Variants in ABITRAM observed in about 807,000 individuals in gnomAD.
ABITRAM encodes actin binding transcription modulator, also known as protein Abitram.
Under a neutral mutation model 22.9 loss-of-function variants are expected in ABITRAM, and 19 were observed. The observed-to-expected ratio is 0.83, with a 90% confidence interval of 0.58 to 1.22. The LOEUF is 1.22. ABITRAM is among the 50% of genes most tolerant of loss of function. The pLI is 0.00. For missense variants in ABITRAM, 215 were observed against 220.2 expected (o/e 0.98, Z 0.15); for synonymous variants, 70 against 73.9 (o/e 0.95, Z 0.27).
In ABITRAM at chr9:108,936,312, T is replaced by C. The variant is rs372660944; in HGVS notation, c.136T>C (p.Cys46Arg). 2 of 1,612,968 alleles carry C rather than the reference T, an allele frequency of 1.2e-6. No individual in the cohort carries two copies. The highest frequency in any genetic ancestry group is 2.7e-5 in the African/African-American group (2 of 74,876). Residue 46 changes from cysteine (C) to arginine (R), a missense_variant, in exon 3 of 6, where the codon TGT becomes CGT. Transcript: ENST00000322940. ...HCILQHSNRI[C>R]VITLAESHPV... ...ATCAACTTTTTCTCCTTGTAGAATA[T>C]GTGTCATCACATTGGCAGAATCTCA...
At position 108,934,434 on chromosome 9, in the gene ABITRAM, C is replaced by G; in HGVS notation, c.-53C>G. The G allele has an allele frequency of 6.7e-7, 1 of 1,501,820 alleles. No individual in the cohort carries two copies. The highest frequency in any genetic ancestry group is 9.0e-7 in the Non-Finnish European group (1 of 1,112,714). The allele number at this position is 1,501,820 out of a possible 1,614,324, so 93.0% of individuals were successfully genotyped here. A position where few individuals can be genotyped will look rare whatever the true frequency, so the allele number is the denominator to read the frequency against. On this transcript the variant is annotated 5_prime_UTR_variant, in exon 1 of 6. Transcript: ENST00000322940. Reference sequence around the variant, plus strand: ...AAGAGCACGCCCAGTCCGGGCTGCGCGGAGGAAGCGCTGGGGTCCCGGAGG... The same window carrying G: ...AAGAGCACGCCCAGTCCGGGCTGCGGGGAGGAAGCGCTGGGGTCCCGGAGG...
At chr9:108,936,536 A>G in intron 3 of ABITRAM, 99 bp downstream of exon 3, 1 of 1,328,104 alleles carries the variant, frequency 7.5e-7, no homozygotes, top group Non-Finnish European at 1.0e-6. Flanking sequence ...TATGCTTAGC[A>G]TACTTCTCTA....
chr9:108,934,656 C>T (rs1830142869), intron 1 of ABITRAM, 91 bp downstream of exon 1: 1 of 1,228,894 alleles, frequency 8.1e-7, no homozygotes, highest in Non-Finnish European at 1.1e-6. Flanking sequence ...CGCGCGCTCT[C>T]CCTGGCTCTC....
At chr9:108,941,618 A>C (rs1432462949), downstream of ABITRAM, among the ~76,000 whole-genome samples, 1 of 152,222 alleles carries the variant, frequency 6.6e-6, no homozygotes, top group East Asian at 1.9e-4. Flanking sequence ...AGCTGTGGTC[A>C]ATTGGCATTA....
chr9:108,938,529 A>G (rs1187207846), intron 3 of ABITRAM, among the ~76,000 whole-genome samples: 4 of 152,304 alleles, frequency 2.6e-5, no homozygotes, highest in Non-Finnish European at 4.4e-5. Flanking sequence ...ATGACATTCA[A>G]ATACATACAC....
At position 108,939,232 on chromosome 9, in the gene ABITRAM, A is replaced by C; in HGVS notation, c.298A>C (p.Lys100Gln). ...TCTAACAGAGCTTGCACCTCTCTGTAAGATTTACTGCTCAGATGGTGAAGA... is the reference window on the plus strand; with the variant it reads ...TCTAACAGAGCTTGCACCTCTCTGTCAGATTTACTGCTCAGATGGTGAAGA... The part of the protein sequence containing the change: ...QFLTELAPLC[K>Q]IYCSDGEEYT... Residue 100 changes from lysine (K) to glutamine (Q), a missense_variant, in exon 4 of 6, where the codon AAG (lysine) becomes CAG (glutamine). Coordinates refer to ENST00000322940, the MANE Select transcript of ABITRAM (RefSeq NM_017832.4). 2 of 1,614,026 alleles carry C rather than the reference A, an allele frequency of 1.2e-6. No individual in the cohort carries two copies. The highest frequency in any genetic ancestry group is 8.5e-7 in the Non-Finnish European group (1 of 1,179,944).
At chr9:108,942,920 A>G (rs1830285695), downstream of ABITRAM, 1 of 1,608,896 alleles carries the variant, frequency 6.2e-7, no homozygotes, top group Non-Finnish European at 8.5e-7. Context: ...CTTTTAAACC[A>G]TTTTTTAAAG....
At chr9:108,936,885 G>A (rs1461459063) in intron 3 of ABITRAM, among the ~76,000 whole-genome samples, 4 of 152,016 alleles carry the variant, frequency 2.6e-5, no homozygotes, top group East Asian at 1.9e-4. Flanking sequence ...AACATGGGCC[G>A]GTCACAATGG....
At chr9:108,941,111 G>A (rs1015404933), downstream of ABITRAM, 2 of 151,932 alleles carry the variant, frequency 1.3e-5, no homozygotes, top group African/African-American at 4.8e-5. Context: ...GTACAAGTGG[G>A]GGTTGGAATT....
exon 4 of ABITRAM, chr9:108,950,598 C>T: frequency 6.5e-7 from 1 of 1,549,798 alleles, no homozygotes; most frequent in Non-Finnish European, 8.7e-7. Flanking sequence ...TCTTAATCCT[C>T]CTTCTATAGG....
At chr9:108,946,882 C>T (rs1407972819) in intron 3 of ABITRAM, among the ~76,000 whole-genome samples, 1 of 151,904 alleles carries the variant, frequency 6.6e-6, no homozygotes, top group Non-Finnish European at 1.5e-5. Context: ...AACACCCCTA[C>T]AGGGCGGTAT....
chr9:108,942,990 G>C (rs779032394), downstream of ABITRAM: 1 of 1,613,028 alleles, frequency 6.2e-7, no homozygotes, highest in Non-Finnish European at 8.5e-7. Flanking sequence ...CAAAGTGAAA[G>C]AAGTTGGACT....
rs1194835500 is a variant in ABITRAM, at chr9:108,939,731, G to A, written c.*45G>A. 2.2e-5 allele frequency: 35 copies of A among 1,605,516 alleles called. No individual in the cohort carries two copies. The highest frequency in any genetic ancestry group is 3.0e-5 in the Non-Finnish European group (35 of 1,175,618). ...AGCAAAGTGGGATTCTTGTTACCTG[G>A]CCTAAACCATCAGGGTACTAAAGGA... On this transcript the variant is annotated 3_prime_UTR_variant, in exon 6 of 6. Transcript: ENST00000322940.
At chr9:108,939,117 G>A in intron 3 of ABITRAM, 79 bp from the exon 4 acceptor site, 1 of 1,176,420 alleles carries the variant, frequency 8.5e-7, no homozygotes. Flanking sequence ...AATACATCCT[G>A]TTATACACCT....
chr9:108,949,411 T>C (rs984599829), intron 3 of ABITRAM, among the ~76,000 whole-genome samples: 3 of 152,160 alleles, frequency 2.0e-5, no homozygotes, highest in Non-Finnish European at 2.9e-5. Flanking sequence ...TGCTATAATC[T>C]TTTTTTAAAA....
intron 3 of ABITRAM, among the ~76,000 whole-genome samples, chr9:108,946,183 C>T (rs1251440539): frequency 2.6e-5 from 4 of 151,886 alleles, no homozygotes; most frequent in Non-Finnish European, 5.9e-5. Flanking sequence ...CCTGTAGTCC[C>T]AGCTACTCGG....
downstream of ABITRAM, among the ~76,000 whole-genome samples, chr9:108,945,506 GAGTGA>G (rs1830374875): frequency 6.9e-6 from 1 of 145,948 alleles, no homozygotes; most frequent in African/African-American, 2.5e-5. Context: ...CTGTTGTCCA[GAGTGA>G]AGTGAAGTGG....
intron 3 of ABITRAM, among the ~76,000 whole-genome samples, chr9:108,947,756 C>G (rs1200206551): frequency 1.3e-5 from 2 of 152,126 alleles, no homozygotes; most frequent in Non-Finnish European, 2.9e-5. Context: ...GTACTTAATA[C>G]CCTCTAATAG....
At chr9:108,938,697 G>C (rs866887249) in intron 3 of ABITRAM, among the ~76,000 whole-genome samples, 27 of 145,438 alleles carry the variant, frequency 1.9e-4, no homozygotes, top group Middle Eastern at 3.5e-3. Flanking sequence ...CAAAGGGGGG[G>C]GGGGGAAAGA....
Sources: allele counts gnomAD v4.1 joint callset (sites outside exome capture counted in the v4.1 genomes callset), GRCh38; gene constraint gnomAD v4.1.1; transcripts MANE v1.5; gene names NCBI Gene and HGNC (gene_info 2026-07-23, HGNC 2026-07-21).